The following MARCHF5 variants were observed in gnomAD, a reference collection of about 807,000 sequenced individuals.
MARCHF5 encodes the protein E3 ubiquitin-protein ligase MARCHF5.
In MARCHF5, 5 loss-of-function variants were observed where a neutral mutation model predicts 36.5. The observed-to-expected ratio is 0.14, with a 90% CI of 0.07 to 0.29. MARCHF5 has a LOEUF of 0.29. MARCHF5 is among the 10% of genes least tolerant of loss of function. The pLI, the probability that MARCHF5 is intolerant of heterozygous loss-of-function variation, is 1.00. For missense variants in MARCHF5, 179 were observed against 336.3 expected (o/e 0.53, Z 3.66); for synonymous variants, 103 against 109.9 (o/e 0.94, Z 0.39).
At position 92,342,211 on chromosome 10, in the gene MARCHF5, C is replaced by T. The variant is rs117199626; in HGVS notation, c.369+1408C>T. The stretch of plus-strand genomic sequence containing the variant: ...TGTCACCAAGGCTGGAGTACAGTGG[C>T]GCAATCAAGGGTCACTGCAGCCTTA... On this transcript the variant is annotated intron_variant, in intron 3 of 5. Transcript: ENST00000358935. 3.5e-3 allele frequency among the ~76,000 whole-genome samples: 532 copies of T among 151,354 alleles called. 20 individuals carry two copies. In the East Asian group the frequency reaches 0.074, roughly 21 times the overall value.
intron 2 of MARCHF5, among the ~76,000 whole-genome samples, chr10:92,316,269 T>C (rs1843208256): frequency 6.6e-6 from 1 of 152,220 alleles, no homozygotes; most frequent in Non-Finnish European, 1.5e-5. Context: ...AGAGGTAATA[T>C]AAGTGTATGT....
rs542241733 is a variant in MARCHF5, at chr10:92,351,038, C to T, written c.721-53C>T. 1.8e-5 allele frequency: 17 copies of T among 951,100 alleles called. No individual in the cohort carries two copies. In the South Asian group the frequency reaches 1.8e-4, roughly 10 times the overall value. The allele number at this position is 951,100 out of a possible 1,614,324, so 58.9% of individuals were successfully genotyped here. ...GATCTAAATAAAATTATTTTTATTA[C>T]TCTGTTTCTCTAAATCTGCATTATA... is the stretch of plus-strand genomic sequence containing the variant. On this transcript the variant is annotated intron_variant, in intron 5 of 5. Coordinates refer to ENST00000358935, the MANE Select transcript of MARCHF5 (RefSeq NM_017824.5).
chr10:92,293,764 A>G (rs1480854568), intron 1 of MARCHF5, among the ~76,000 whole-genome samples: 4 of 152,106 alleles, frequency 2.6e-5, no homozygotes, highest in African/African-American at 7.2e-5. Context: ...CCTGAGTGAC[A>G]GAGTGGAACT....
rs1238175510 is a variant in MARCHF5 at position 92,349,403 on chromosome 10, C to G, written c.424C>G (p.Leu142Val). The change falls in exon 4 of 6, where the codon CTT (leucine) becomes GTT (valine). Residue 142 changes from leucine (L) to valine (V), a missense_variant. Physicochemically the swap from Leu to Val is conservative, Grantham distance 32 (BLOSUM62 1). This residue lies in a region of MARCHF5 where 66 missense variants were observed against 180.5 expected (regional missense o/e 0.37). Transcript: ENST00000358935. ...DVMERADPLFLLIGLPTIPVM... is the reference protein window; with the variant it reads ...DVMERADPLFVLIGLPTIPVM... Reference sequence around the variant, plus strand: ...TATGGAGAGAGCTGATCCTTTATTCCTTTTAATTGGACTTCCTACTATTCC... The same window carrying G: ...TATGGAGAGAGCTGATCCTTTATTCGTTTTAATTGGACTTCCTACTATTCC... 6.2e-7 allele frequency: 1 copy of G among 1,614,022 alleles called. No homozygotes were observed. The highest frequency in any genetic ancestry group is 8.5e-7 in the Non-Finnish European group (1 of 1,179,974).
At chr10:92,339,871 TATA>T in intron 2 of MARCHF5, among the ~76,000 whole-genome samples, 1 of 152,198 alleles carries the variant, frequency 6.6e-6, no homozygotes, top group Non-Finnish European at 1.5e-5. Context: ...AGAGTAAGCA[TATA>T]ATAATAGAAC....
intron 1 of MARCHF5, among the ~76,000 whole-genome samples, chr10:92,306,346 AG>A (rs1175401963): frequency 6.6e-6 from 1 of 152,212 alleles, no homozygotes; most frequent in Non-Finnish European, 1.5e-5. Flanking sequence ...TCTGGAAGAT[AG>A]GCTACAGCGG....
chr10:92,346,878 A>T (rs1843650821), intron 3 of MARCHF5, among the ~76,000 whole-genome samples: 1 of 152,112 alleles, frequency 6.6e-6, no homozygotes, highest in Non-Finnish European at 1.5e-5. Flanking sequence ...TCTAGTCTAT[A>T]CCTGAATATT....
chr10:92,346,793 T>C (rs1205642297), intron 3 of MARCHF5, among the ~76,000 whole-genome samples: 2 of 152,092 alleles, frequency 1.3e-5, no homozygotes, highest in Admixed American at 1.3e-4. Flanking sequence ...CCTACTTCCT[T>C]TTTGTTTCCT....
At chr10:92,346,189 A>T (rs1286515783) in intron 3 of MARCHF5, among the ~76,000 whole-genome samples, 1 of 152,158 alleles carries the variant, frequency 6.6e-6, no homozygotes, top group Non-Finnish European at 1.5e-5. Context: ...CCTTTCATTT[A>T]TTGCCCCTGA....
At chr10:92,303,221 C>G (rs529927343) in intron 1 of MARCHF5, among the ~76,000 whole-genome samples, 21 of 152,176 alleles carry the variant, frequency 1.4e-4, no homozygotes, top group South Asian at 1.2e-3. Flanking sequence ...ACAAATGAAC[C>G]CTGTGAAGTG....
chr10:92,331,909 GTA>G (rs1239134550), intron 2 of MARCHF5, among the ~76,000 whole-genome samples: 5 of 143,870 alleles, frequency 3.5e-5, no homozygotes, highest in Non-Finnish European at 6.0e-5. Context: ...TCATATATAT[GTA>G]TATATAATCA....
intron 3 of MARCHF5, among the ~76,000 whole-genome samples, chr10:92,346,735 A>G: frequency 6.6e-6 from 1 of 151,828 alleles, no homozygotes; most frequent in Non-Finnish European, 1.5e-5. Context: ...CGCCTGCCTC[A>G]GCCTCCCAAA....
intron 2 of MARCHF5, among the ~76,000 whole-genome samples, chr10:92,340,011 T>C (rs893062868): frequency 6.6e-6 from 1 of 152,190 alleles, no homozygotes; most frequent in African/African-American, 2.4e-5. Flanking sequence ...TAAATTGACA[T>C]TATGTAAATA....
At chr10:92,311,034 A>C (rs976030607) in intron 1 of MARCHF5, 101 bp from the exon 2 acceptor site, 55 of 785,936 alleles carry the variant, frequency 7.0e-5, no homozygotes, top group Middle Eastern at 3.3e-4. Flanking sequence ...AGATTCTGTA[A>C]TATAACATAG....
intron 2 of MARCHF5, among the ~76,000 whole-genome samples, chr10:92,339,751 T>G (rs1564952908): frequency 6.6e-6 from 1 of 152,128 alleles, no homozygotes; most frequent in Non-Finnish European, 1.5e-5. Flanking sequence ...GACCCTTCCA[T>G]TCTTCTGGAA....
chr10:92,303,085 G>A (rs893779344), intron 1 of MARCHF5, among the ~76,000 whole-genome samples: 1 of 152,134 alleles, frequency 6.6e-6, no homozygotes, highest in Non-Finnish European at 1.5e-5. Context: ...TTAAGTTACT[G>A]TACCTATCTT....
chr10:92,345,508 T>A (rs1430057847), intron 3 of MARCHF5, among the ~76,000 whole-genome samples: 1 of 151,974 alleles, frequency 6.6e-6, no homozygotes, highest in Non-Finnish European at 1.5e-5. Flanking sequence ...AATTAATTAA[T>A]GTAGAATTCT....
chr10:92,309,431 A>G (rs1843119458), intron 1 of MARCHF5, among the ~76,000 whole-genome samples: 1 of 152,206 alleles, frequency 6.6e-6, no homozygotes, highest in Non-Finnish European at 1.5e-5. Context: ...AATTGGATTA[A>G]TTTAAAATGT....
intron 3 of MARCHF5, among the ~76,000 whole-genome samples, chr10:92,341,070 C>G (rs139504633): frequency 6.6e-6 from 1 of 152,136 alleles, no homozygotes; most frequent in Admixed American, 6.5e-5. Flanking sequence ...CAGCCATTTA[C>G]TAACCAACTT....
Sources: allele counts gnomAD v4.1 joint callset (sites outside exome capture counted in the v4.1 genomes callset), GRCh38; gene constraint gnomAD v4.1.1; regional missense constraint gnomAD v4.1.1; transcripts MANE v1.5; gene names NCBI Gene and HGNC (gene_info 2026-07-23, HGNC 2026-07-21).